Variants in EIF2B3 observed in about 807,000 individuals in gnomAD.
EIF2B3 encodes the protein eukaryotic translation initiation factor 2B subunit gamma.
EIF2B3 carries 20 observed loss-of-function variants against 54.1 expected under a neutral mutation model. That is an observed-to-expected ratio of 0.37 (90% CI 0.26 to 0.54). The LOEUF (loss-of-function observed/expected upper bound fraction) is 0.54. Among genes scored for constraint, EIF2B3 ranks in the 20% least tolerant of loss-of-function variants. The probability of loss-of-function intolerance (pLI) is 0.86; values close to 1 mark genes in which losing one functional copy is unlikely to be tolerated. For missense variants in EIF2B3, 448 were observed against 547.8 expected, an observed-to-expected ratio of 0.82 and a Z score of 1.82; for synonymous variants, 153 against 188.1, an observed-to-expected ratio of 0.81 and a Z score of 1.52.
rs773654030 is a variant in EIF2B3, at chr1:44,881,566, G to A, written c.784+46C>T. ...AGCTGCCCAACCACTCTTTCCAAAG[G>A]TGCTGCTACCCTTGCCCCTCTTACT... On this transcript the variant is annotated intron_variant, in intron 7 of 11. Coordinates refer to ENST00000360403, the MANE Select transcript of EIF2B3 (RefSeq NM_020365.5). This position sits in a 1 kb window ranked among gnomAD's most constrained non-coding sequence, Gnocchi z 4.0. 1 of 1,611,318 alleles carries A rather than the reference G, an allele frequency of 6.2e-7. No homozygotes were observed. Among genetic ancestry groups the A allele is most frequent in the Non-Finnish European group, 8.5e-7 (1 of 1,178,446 alleles).
At chr1:44,973,373 C>T (rs12125188) in intron 3 of EIF2B3, among the ~76,000 whole-genome samples, 3 of 151,970 alleles carry the variant, frequency 2.0e-5, no homozygotes, top group Non-Finnish European at 4.4e-5. Flanking sequence ...GCCTTAAAAA[C>T]GAAGTAAATT....
intron 8 of EIF2B3, 33 bp from the exon 9 acceptor site, chr1:44,875,728 GA>G (rs1557665431): frequency 1.3e-6 from 2 of 1,573,322 alleles, no homozygotes; most frequent in Non-Finnish European, 1.7e-6. Flanking sequence ...CTAAAGATCA[GA>G]AAACACCTTA....
intron 10 of EIF2B3, among the ~76,000 whole-genome samples, chr1:44,863,436 T>C (rs955811861): frequency 5.9e-5 from 9 of 152,226 alleles, no homozygotes; most frequent in Admixed American, 5.9e-4. Flanking sequence ...AATTTTGCTA[T>C]GTTGCCCAGG....
chr1:44,972,296 TAC>T (rs1313413708), intron 3 of EIF2B3, among the ~76,000 whole-genome samples: 1 of 131,772 alleles, frequency 7.6e-6, no homozygotes, highest in Non-Finnish European at 1.6e-5. Flanking sequence ...CACATGTATA[TAC>T]ACACACACAC....
At chr1:44,897,235 C>A (rs752919974) in intron 6 of EIF2B3, 120 bp downstream of exon 6, 11 of 723,394 alleles carry the variant, frequency 1.5e-5, no homozygotes, top group Non-Finnish European at 2.4e-5. Context: ...TGAGAACTAA[C>A]TGTGCTATTG....
chr1:44,889,523 C>T (rs574826986), intron 6 of EIF2B3, among the ~76,000 whole-genome samples: 12 of 149,920 alleles, frequency 8.0e-5, no homozygotes, highest in South Asian at 2.1e-4. Flanking sequence ...GGTGACAGAG[C>T]GAGGATCCAT....
rs3044260 is a variant in EIF2B3 at position 44,888,473 on chromosome 1, ATCTCTC to A, written c.657-6740_657-6735del. Among the ~76,000 whole-genome samples, 572 of 144,512 alleles carry A rather than the reference ATCTCTC, an allele frequency of 4.0e-3. 2 individuals carry two copies. The highest frequency in any genetic ancestry group is 6.0e-3 in the Non-Finnish European group (387 of 64,834). The allele number at this position is 144,512 out of a possible 152,430, so 94.8% of individuals were successfully genotyped here. On this transcript the variant is annotated intron_variant, in intron 6 of 11. Coordinates refer to ENST00000360403, the MANE Select transcript of EIF2B3 (RefSeq NM_020365.5). ...TGCCAGTCAGACTTATGGCTTCTCAATCTCTCTCTCTCTCTCTCTCTCTCTCTCTGT... is the reference window on the plus strand; with the variant it reads ...TGCCAGTCAGACTTATGGCTTCTCAATCTCTCTCTCTCTCTCTCTCTCTGT...
At chr1:44,900,833 T>A (rs1489472346) in intron 5 of EIF2B3, among the ~76,000 whole-genome samples, 1 of 152,236 alleles carries the variant, frequency 6.6e-6, no homozygotes, top group Non-Finnish European at 1.5e-5. Flanking sequence ...GTTGAGGATC[T>A]TTTCATGTGC....
At position 44,978,422 on chromosome 1, in the gene EIF2B3, G is replaced by A. The variant is rs1437598978; in HGVS notation, c.187C>T (p.Leu63=). ...VVTTRDVQKA[L]CAEFKMKMKP... ...ATTTTCATCTTGAATTCTGCACATA[G>A]AGCCTTTTGAACATCCCTGGTTGTA... Residue 63 remains leucine, a synonymous_variant, in exon 3 of 12, where the codon CTA becomes TTA. Coordinates refer to ENST00000360403, the MANE Select transcript of EIF2B3 (RefSeq NM_020365.5). 1.2e-6 allele frequency: 2 copies of A among 1,613,544 alleles called. No homozygotes were observed. The highest frequency in any genetic ancestry group is 1.3e-5 in the African/African-American group (1 of 74,896).
In EIF2B3 at chr1:44,850,662, C is replaced by A; in HGVS notation, c.*289G>T. 2.0e-6 allele frequency: 1 copy of A among 491,934 alleles called. No individual in the cohort carries two copies. Among genetic ancestry groups the A allele is most frequent in the Non-Finnish European group, 3.7e-6 (1 of 273,688 alleles). 30.5% of individuals were successfully genotyped at this position (491,934 alleles called of 1,614,324 possible). The stretch of plus-strand genomic sequence containing the variant: ...GAAAGTAGCCTTCCTAGGAGCTTTA[C>A]ATTGGACAGCTGCTGCCCCACCGAT... On this transcript the variant is annotated 3_prime_UTR_variant, in exon 12 of 12. Transcript: ENST00000360403.
intron 5 of EIF2B3, among the ~76,000 whole-genome samples, chr1:44,919,962 C>T (rs1447257152): frequency 1.3e-4 from 19 of 149,712 alleles, no homozygotes; most frequent in Non-Finnish European, 1.8e-4. Context: ...CCTCGTGATC[C>T]GCCCACCTCG....
Position 44,875,686 on chromosome 1 carries a change from AT to A in EIF2B3, c.984del (p.Lys328AsnfsTer54). The stretch of plus-strand genomic sequence containing the variant: ...TCTTCTGGACAGAGAGCAGACAGCA[AT>A]TTGGGCACCTTAAGGACAGAGATTT... ...LYMEANRQVP[K>X]LLSALCPEEP... is the part of the protein sequence containing the mutation. On this transcript the variant is annotated frameshift_variant, in exon 9 of 12. Coordinates refer to ENST00000360403, the MANE Select transcript of EIF2B3 (RefSeq NM_020365.5). LOFTEE classifies it high-confidence loss of function. The A allele has an allele frequency of 1.2e-6, 2 of 1,614,074 alleles. No individual in the cohort carries two copies. The highest frequency in any genetic ancestry group is 1.7e-6 in the Non-Finnish European group (2 of 1,179,984).
intron 10 of EIF2B3, among the ~76,000 whole-genome samples, chr1:44,865,700 A>T (rs1654752403): frequency 6.6e-6 from 1 of 151,868 alleles, no homozygotes; most frequent in South Asian, 2.1e-4. Context: ...CTCCTGCCTC[A>T]GCCAACCAAG....
At chr1:44,857,962 G>T (rs1654489605) in intron 10 of EIF2B3, among the ~76,000 whole-genome samples, 155 bp from the exon 11 acceptor site, 1 of 152,056 alleles carries the variant, frequency 6.6e-6, no homozygotes, top group South Asian at 2.1e-4. Flanking sequence ...AGACAGAATG[G>T]TAAGCCAAGG....
At chr1:44,885,132 CCCT>C (rs1258396253) in intron 6 of EIF2B3, among the ~76,000 whole-genome samples, 3 of 152,178 alleles carry the variant, frequency 2.0e-5, no homozygotes, top group Non-Finnish European at 2.9e-5. Context: ...TTTCTCCTTT[CCCT>C]CTTATACACA....
chr1:44,911,495 A>G lies in EIF2B3; in HGVS notation c.567-14051T>C, dbSNP rs574191341. 4.6e-5 allele frequency among the ~76,000 whole-genome samples: 7 copies of G among 152,298 alleles called. No individual in the cohort carries two copies. The East Asian group carries it at 1.4e-3, about 29-fold the overall frequency. ...CTTCATTATCACCTCACCTCTGACT[A>G]GGTCCATCTTCTTTGCTCCCATCAT... On this transcript the variant is annotated intron_variant, in intron 5 of 11. Coordinates refer to ENST00000360403, the MANE Select transcript of EIF2B3 (RefSeq NM_020365.5).
intron 10 of EIF2B3, among the ~76,000 whole-genome samples, chr1:44,866,539 A>G (rs1174846511): frequency 2.6e-5 from 4 of 152,030 alleles, no homozygotes; most frequent in African/African-American, 9.7e-5. Flanking sequence ...GGTGGGGAAA[A>G]TAGTTTATGG....
intron 5 of EIF2B3, among the ~76,000 whole-genome samples, chr1:44,917,266 G>T (rs1280697411): frequency 6.6e-6 from 1 of 151,992 alleles, no homozygotes; most frequent in Non-Finnish European, 1.5e-5. Context: ...GGCTAAGGCG[G>T]GCCAATCACC....
intron 5 of EIF2B3, among the ~76,000 whole-genome samples, chr1:44,909,482 A>G (rs1643472996): frequency 6.6e-6 from 1 of 152,210 alleles, no homozygotes; most frequent in South Asian, 2.1e-4. Context: ...GCTAAGAAGC[A>G]GCTTGATTTG....
Sources: allele counts gnomAD v4.1 joint callset (sites outside exome capture counted in the v4.1 genomes callset), GRCh38; gene constraint gnomAD v4.1.1; non-coding constraint Gnocchi (gnomAD v3.1); transcripts MANE v1.5; gene names NCBI Gene and HGNC (gene_info 2026-07-23, HGNC 2026-07-21).